Variants in LSM14A observed in about 807,000 individuals in gnomAD.
LSM14A encodes the protein protein LSM14 homolog A.
A neutral mutation model predicts 52.4 loss-of-function variants in LSM14A; 14 were observed. That is an observed-to-expected ratio of 0.27 (90% CI 0.18 to 0.42). The LOEUF (loss-of-function observed/expected upper bound fraction) is 0.42, where lower values mean the gene tolerates loss of function less well. Among genes scored for constraint, LSM14A ranks in the 10% least tolerant of loss-of-function variants. LSM14A has a pLI of 1.00. For synonymous variants in LSM14A, 185 were observed against 200.3 expected (o/e 0.92, Z 0.64); for missense variants, 417 against 581.8 (o/e 0.72, Z 2.91).
At chr19:34,224,011 A>AT (rs1163364063) in intron 9 of LSM14A, among the ~76,000 whole-genome samples, 23 of 152,172 alleles carry the variant, frequency 1.5e-4, no homozygotes, top group African/African-American at 5.3e-4. Flanking sequence ...AAGGGCATCC[A>AT]TCCCACCCCA....
At chr19:34,176,404 C>G (rs1400661293) in intron 1 of LSM14A, among the ~76,000 whole-genome samples, 1 of 152,030 alleles carries the variant, frequency 6.6e-6, no homozygotes, top group African/African-American at 2.4e-5. Context: ...CCACCCAGGG[C>G]AAGACAGACA....
At chr19:34,216,283 G>T (rs2072583857) in intron 6 of LSM14A, among the ~76,000 whole-genome samples, 1 of 151,568 alleles carries the variant, frequency 6.6e-6, no homozygotes, top group African/African-American at 2.4e-5. Context: ...CGCAGTGGCG[G>T]GCGCCTGTAG....
chr19:34,199,227 C>T (rs1442013747), intron 3 of LSM14A, among the ~76,000 whole-genome samples: 1 of 152,046 alleles, frequency 6.6e-6, no homozygotes, highest in Non-Finnish European at 1.5e-5. Context: ...CAGGCTCAAG[C>T]CATCCTCCCA....
intron 9 of LSM14A, chr19:34,226,283 C>A: frequency 9.9e-7 from 1 of 1,010,072 alleles, no homozygotes; most frequent in Non-Finnish European, 1.4e-6. Context: ...GGTTCAAAGA[C>A]AACAAGGTGT....
chr19:34,198,474 G>A (rs1158829018), intron 3 of LSM14A, among the ~76,000 whole-genome samples: 2 of 152,134 alleles, frequency 1.3e-5, no homozygotes, highest in Non-Finnish European at 2.9e-5. Flanking sequence ...TTAGCTGGAC[G>A]TGGTGGTGGT....
At chr19:34,217,078 G>A (rs183094634) in intron 6 of LSM14A, among the ~76,000 whole-genome samples, 1 of 152,098 alleles carries the variant, frequency 6.6e-6, no homozygotes, top group African/African-American at 2.4e-5. Context: ...TGGCCATACG[G>A]TGAAACCCTG....
At chr19:34,226,186 A>G (rs1350090863) in intron 9 of LSM14A, among the ~76,000 whole-genome samples, 1 of 152,108 alleles carries the variant, frequency 6.6e-6, no homozygotes, top group African/African-American at 2.4e-5. Context: ...ATAATAATGT[A>G]ACCAGCTCCT....
At chr19:34,226,134 G>A (rs1353677046) in intron 9 of LSM14A, among the ~76,000 whole-genome samples, 2 of 151,584 alleles carry the variant, frequency 1.3e-5, no homozygotes, top group African/African-American at 2.4e-5. Context: ...CCCTCCCACC[G>A]CCCATTCTTT....
intron 8 of LSM14A, 25 bp downstream of exon 8, chr19:34,219,902 A>C (rs2599557): frequency 0.35 from 524,289 of 1,517,000 alleles, 95,112 homozygotes; most frequent in African/African-American, 0.38. Flanking sequence ...CTGTTCTTTT[A>C]TCTTATGATA....
At chr19:34,199,077 C>G (rs1394559356) in intron 3 of LSM14A, among the ~76,000 whole-genome samples, 1 of 152,116 alleles carries the variant, frequency 6.6e-6, no homozygotes, top group East Asian at 1.9e-4. Context: ...ACAAATAGAA[C>G]TACTAAGAAA....
Position 34,207,361 on chromosome 19 carries a change from A to G in LSM14A, c.416-1568A>G, listed in dbSNP as rs1001486596. Among the ~76,000 whole-genome samples the G allele has an allele frequency of 6.6e-5, 10 of 151,998 alleles. No homozygotes were observed. In the East Asian group the frequency reaches 1.7e-3, roughly 26 times the overall value. ...TACTAGAAATAACTGGATGGGTTCT[A>G]CTCCCCACAGAATTCTTGAAAGCGC... On this transcript the variant is annotated intron_variant, in intron 3 of 9. Coordinates refer to ENST00000544216, the MANE Select transcript of LSM14A (RefSeq NM_015578.4).
Position 34,227,525 on chromosome 19 carries a change from G to A in LSM14A, c.*137G>A. 1.6e-6 allele frequency: 1 copy of A among 633,674 alleles called. No homozygotes were observed. The highest frequency in any genetic ancestry group is 2.7e-6 in the Non-Finnish European group (1 of 373,498). 39.3% of individuals were successfully genotyped at this position (633,674 alleles called of 1,614,324 possible). The stretch of plus-strand genomic sequence containing the variant: ...AGCACTGGGTTTTTGTTTTTTGTTT[G>A]TTTTTCCGCTTAATTTCAAAGATAA... On this transcript the variant is annotated 3_prime_UTR_variant, in exon 10 of 10. Coordinates refer to ENST00000544216, the MANE Select transcript of LSM14A (RefSeq NM_015578.4).
chr19:34,197,534 G>T (rs1256300845), intron 3 of LSM14A, among the ~76,000 whole-genome samples: 1 of 138,414 alleles, frequency 7.2e-6, no homozygotes, highest in Non-Finnish European at 1.5e-5. Flanking sequence ...CACCTCCCAG[G>T]CTTAAGCAGT....
chr19:34,173,492 C>T (rs1465765235), intron 1 of LSM14A, among the ~76,000 whole-genome samples: 1 of 152,156 alleles, frequency 6.6e-6, no homozygotes, highest in African/African-American at 2.4e-5. Context: ...ACCTTTGATC[C>T]AGGCTCAGTG....
chr19:34,211,086 TG>T (rs1282332688), intron 4 of LSM14A, among the ~76,000 whole-genome samples: 1 of 151,840 alleles, frequency 6.6e-6, no homozygotes, highest in Non-Finnish European at 1.5e-5. Flanking sequence ...GCGGATCGCC[TG>T]AGGTCAGGGG....
intron 1 of LSM14A, among the ~76,000 whole-genome samples, chr19:34,192,786 C>T (rs1599676488): frequency 6.6e-6 from 1 of 151,700 alleles, no homozygotes; most frequent in East Asian, 1.9e-4. Flanking sequence ...ACCAGTCTGG[C>T]CAACATAGTG....
chr19:34,196,784 C>CTT (rs769857053), intron 3 of LSM14A, 21 bp downstream of exon 3: 2 of 1,581,284 alleles, frequency 1.3e-6, no homozygotes. Context: ...TTTTTCTTTT[C>CTT]TTTTTTTGTT....
chr19:34,196,280 A>G (rs2070832417), intron 2 of LSM14A, among the ~76,000 whole-genome samples: 1 of 152,144 alleles, frequency 6.6e-6, no homozygotes, highest in African/African-American at 2.4e-5. Context: ...TCAACATCAG[A>G]CTAAAACTCA....
intron 9 of LSM14A, among the ~76,000 whole-genome samples, chr19:34,222,327 GA>G (rs1221847069): frequency 1.3e-5 from 2 of 152,192 alleles, no homozygotes; most frequent in Non-Finnish European, 2.9e-5. Flanking sequence ...CTTTCACCAT[GA>G]AATTGAAAAT....
Sources: gnomAD v4.1 joint callset for allele counts (sites outside exome capture counted in the v4.1 genomes callset) on GRCh38, gnomAD v4.1.1 for gene constraint, MANE v1.5 for transcripts, NCBI Gene and HGNC (gene_info 2026-07-23, HGNC 2026-07-21) for gene names.